PLEKHG4B: variants seen among roughly 807,000 people sequenced by gnomAD.
The protein encoded by PLEKHG4B is pleckstrin homology and RhoGEF domain containing G4B, also known as pleckstrin homology domain-containing family G member 4B.
In PLEKHG4B, 111 loss-of-function variants were observed where a neutral mutation model predicts 121.3. That is an observed-to-expected ratio of 0.92 (90% CI 0.78 to 1.07). The LOEUF is 1.07. Ranked by LOEUF, PLEKHG4B falls within the 50% of genes least tolerant of loss-of-function variation. The probability of loss-of-function intolerance (pLI) is 0.00; values close to 1 mark genes in which losing one functional copy is unlikely to be tolerated. For synonymous variants in PLEKHG4B, 738 were observed against 725.0 expected, an observed-to-expected ratio of 1.02 and a Z score of -0.29; for missense variants, 1,831 against 1,757.8, an observed-to-expected ratio of 1.04 and a Z score of -0.74.
intron 1 of PLEKHG4B, among the ~76,000 whole-genome samples, chr5:101,774 C>T (rs866682015): frequency 7.5e-4 from 69 of 92,202 alleles, no homozygotes; most frequent in South Asian, 1.5e-3. Context: ...CTGGAAAAAG[C>T]CTGTAGGGGA....
intron 2 of PLEKHG4B, among the ~76,000 whole-genome samples, chr5:131,974 C>A (rs969743325): frequency 2.6e-5 from 4 of 152,052 alleles, no homozygotes; most frequent in Non-Finnish European, 5.9e-5. Context: ...AACACTCTTT[C>A]ATGATAAAAA....
At chr5:102,529 TG>T (rs201258543) in intron 1 of PLEKHG4B, among the ~76,000 whole-genome samples, 2,464 of 152,124 alleles carry the variant, frequency 0.016, 71 homozygotes, top group African/African-American at 0.056. Flanking sequence ...TCAGGGCAAA[TG>T]GGTTAAAAGT....
At position 171,283 on chromosome 5, in the gene PLEKHG4B, G is replaced by A. The variant is rs767822545; in HGVS notation, c.3889G>A (p.Ala1297Thr). 1 of 1,611,990 alleles carries A rather than the reference G, an allele frequency of 6.2e-7. No homozygotes were observed. Among genetic ancestry groups the A allele is most frequent in the South Asian group, 1.1e-5 (1 of 90,904 alleles). Residue 1297 changes from alanine to threonine, a missense_variant, in exon 16 of 20, where the codon GCC (alanine) becomes ACC (threonine). Ala to Thr is a moderately conservative substitution (Grantham distance 58). Transcript: ENST00000637938. The stretch of plus-strand genomic sequence containing the variant: ...CCTGCTGCGGCCCGTGCAGCGTGTG[G>A]CCAAGTACGCGCTGCTACTCCAGGA... ...SYLLRPVQRV[A>T]KYALLLQDLL...
chr5:130,332 A>G (rs1734742764), intron 2 of PLEKHG4B, among the ~76,000 whole-genome samples: 1 of 152,240 alleles, frequency 6.6e-6, no homozygotes, highest in Non-Finnish European at 1.5e-5. Flanking sequence ...TTTACAGAAG[A>G]GATGTTACAA....
At chr5:109,397 CAAA>C (rs34972342) in intron 1 of PLEKHG4B, among the ~76,000 whole-genome samples, 22 of 61,834 alleles carry the variant, frequency 3.6e-4, no homozygotes, top group African/African-American at 1.5e-3. Context: ...ACTCTGTCTC[CAAA>C]AAAAAAAAAA....
intron 18 of PLEKHG4B, among the ~76,000 whole-genome samples, 166 bp from the exon 19 acceptor site, chr5:181,348 T>C (rs7717734): frequency 0.68 from 104,137 of 152,070 alleles, 36,367 homozygotes; most frequent in Non-Finnish European, 0.73. Flanking sequence ...AAAACCGGAA[T>C]GGGAAGCCTC....
At chr5:128,431 T>C (rs1014215279) in intron 2 of PLEKHG4B, among the ~76,000 whole-genome samples, 9 of 152,148 alleles carry the variant, frequency 5.9e-5, no homozygotes, top group Non-Finnish European at 1.3e-4. Context: ...AGATAGGCAT[T>C]TAGGCAAGAT....
chr5:137,497 C>T lies in PLEKHG4B; in HGVS notation c.244-1986C>T, dbSNP rs532430810. ...TCTGGGCTGTGCCACTGCCTTAACCCGGACCAGTTCCCTTCTACAGTGAAG... is the reference window on the plus strand; with the variant it reads ...TCTGGGCTGTGCCACTGCCTTAACCTGGACCAGTTCCCTTCTACAGTGAAG... On this transcript the variant is annotated intron_variant, in intron 2 of 19. Transcript: ENST00000637938. This position sits in a 1 kb window ranked among gnomAD's most constrained non-coding sequence, Gnocchi z 4.2. 8.5e-5 allele frequency among the ~76,000 whole-genome samples: 13 copies of T among 152,272 alleles called. No homozygotes were observed. The highest frequency in any genetic ancestry group is 6.2e-4 in the South Asian group (3 of 4,826).
At chr5:132,553 T>C (rs1185333322) in intron 2 of PLEKHG4B, among the ~76,000 whole-genome samples, 1 of 152,236 alleles carries the variant, frequency 6.6e-6, no homozygotes, top group Non-Finnish European at 1.5e-5. Flanking sequence ...GTAATCCATC[T>C]TGAGTTGATT....
At chr5:149,211 G>A (rs62344132) in intron 6 of PLEKHG4B, among the ~76,000 whole-genome samples, 28,690 of 152,012 alleles carry the variant, frequency 0.19, 3,775 homozygotes, top group African/African-American at 0.37. Flanking sequence ...AAGAAAAAAT[G>A]GACAAATCAG....
chr5:147,694 T>C (rs1735464327), intron 6 of PLEKHG4B, among the ~76,000 whole-genome samples: 1 of 152,198 alleles, frequency 6.6e-6, no homozygotes, highest in African/African-American at 2.4e-5. Context: ...CTTATTGACT[T>C]TTTCAAAAGA....
At chr5:141,287 C>G (rs901474701) in intron 3 of PLEKHG4B, among the ~76,000 whole-genome samples, 1 of 96,418 alleles carries the variant, frequency 1.0e-5, no homozygotes, top group African/African-American at 4.3e-5. Flanking sequence ...TCACTTGATC[C>G]ACAAGAAGCC....
At chr5:131,365 GTT>G (rs1337456185) in intron 2 of PLEKHG4B, among the ~76,000 whole-genome samples, 2 of 152,096 alleles carry the variant, frequency 1.3e-5, no homozygotes, top group Non-Finnish European at 2.9e-5. Context: ...GCAGTGTTTG[GTT>G]TTCTGTCTTT....
At chr5:111,804 G>A (rs115716310) in intron 1 of PLEKHG4B, among the ~76,000 whole-genome samples, 1,910 of 152,118 alleles carry the variant, frequency 0.013, 41 homozygotes, top group African/African-American at 0.043. Context: ...TTTCTCCTGT[G>A]TCAATTGAGC....
At chr5:161,375 A>T (rs1172956850) in intron 11 of PLEKHG4B, among the ~76,000 whole-genome samples, 1 of 152,226 alleles carries the variant, frequency 6.6e-6, no homozygotes, top group African/African-American at 2.4e-5. Context: ...TTTCCAAACA[A>T]TGAAAATAGT....
intron 12 of PLEKHG4B, among the ~76,000 whole-genome samples, 188 bp downstream of exon 12, chr5:162,132 C>T (rs1463771531): frequency 1.3e-5 from 2 of 152,258 alleles, no homozygotes; most frequent in African/African-American, 2.4e-5. Context: ...ACCTGTGAAG[C>T]ATTTGATATT....
chr5:118,279 C>T lies in PLEKHG4B; in HGVS notation c.243+4831C>T, dbSNP rs949866972. Among the ~76,000 whole-genome samples the T allele has an allele frequency of 5.3e-5, 8 of 152,248 alleles. No homozygotes were observed. The South Asian group carries it at 6.2e-4, about 12-fold the overall frequency. ...ATTGCCAGGAGAAATCCAGAATTAC[C>T]GTAGGAGATTTCACCTCTCTCAAAA... On this transcript the variant is annotated intron_variant, in intron 2 of 19. Transcript: ENST00000637938.
rs1735814640 is a variant in PLEKHG4B, at chr5:157,228, C to T, written c.2487+317C>T. The T allele has an allele frequency of 2.6e-6, 1 of 386,830 alleles. No individual in the cohort carries two copies. The highest frequency in any genetic ancestry group is 2.1e-5 in the African/African-American group (1 of 48,038). The allele number at this position is 386,830 out of a possible 1,614,324, so 24.0% of individuals were successfully genotyped here. A position where few individuals can be genotyped will look rare whatever the true frequency, so the allele number is the denominator to read the frequency against. On this transcript the variant is annotated intron_variant, in intron 11 of 19. Transcript: ENST00000637938. This position sits in a 1 kb window ranked among gnomAD's most constrained non-coding sequence, Gnocchi z 4.6. ...TGGGTGTATCTTCCGGACGCTTTCT[C>T]CATGTGCATGCGTACACAGTGACTG...
intron 1 of PLEKHG4B, among the ~76,000 whole-genome samples, chr5:94,978 C>T (rs1475568909): frequency 6.6e-6 from 1 of 152,192 alleles, no homozygotes. Context: ...GCATTCTTCA[C>T]TTATGTTACT....
Sources: allele counts gnomAD v4.1 joint callset (sites outside exome capture counted in the v4.1 genomes callset), GRCh38; gene constraint gnomAD v4.1.1; non-coding constraint Gnocchi (gnomAD v3.1); transcripts MANE v1.5; gene names NCBI Gene and HGNC (gene_info 2026-07-23, HGNC 2026-07-21).